The following SGCZ variants were observed in gnomAD, a reference collection of about 807,000 sequenced individuals.
The protein encoded by SGCZ is zeta-sarcoglycan.
Under a neutral mutation model 41.3 loss-of-function variants are expected in SGCZ, and 40 were observed. The ratio of observed to expected loss-of-function variants is 0.97; its 90% CI spans 0.75 to 1.26. SGCZ has a LOEUF of 1.26. Among genes scored for constraint, SGCZ ranks in the 50% most tolerant of loss-of-function variants. The probability of loss-of-function intolerance (pLI) is 0.00; values close to 1 mark genes in which losing one functional copy is unlikely to be tolerated. For missense variants in SGCZ, 552 were observed against 369.8 expected, an observed-to-expected ratio of 1.49 and a Z score of -4.04; for synonymous variants, 206 against 137.5, an observed-to-expected ratio of 1.50 and a Z score of -3.49.
intron 1 of SGCZ, among the ~76,000 whole-genome samples, chr8:14,927,100 T>G (rs1799777965): frequency 8.6e-6 from 1 of 116,348 alleles, no homozygotes; most frequent in Non-Finnish European, 1.6e-5. Context: ...AAGTTCCTGA[T>G]TCTTTTTTTT....
chr8:14,439,320 T>TATATATAC (rs1800180405), intron 2 of SGCZ, among the ~76,000 whole-genome samples: 1 of 148,014 alleles, frequency 6.8e-6, no homozygotes. Flanking sequence ...AATATATATA[T>TATATATAC]ATATATATAT....
intron 2 of SGCZ, among the ~76,000 whole-genome samples, chr8:14,418,072 G>A (rs546515029): frequency 1.3e-5 from 2 of 151,864 alleles, no homozygotes; most frequent in African/African-American, 4.8e-5. Flanking sequence ...CAGTTTGCTG[G>A]GTGTTGTGAA....
chr8:15,046,708 C>A (rs909857696), intron 1 of SGCZ, among the ~76,000 whole-genome samples: 4 of 151,930 alleles, frequency 2.6e-5, no homozygotes, highest in African/African-American at 9.7e-5. Flanking sequence ...TTGCTTCTAG[C>A]CCCTTTCAGC....
At chr8:14,778,082 C>G (rs933603246) in intron 1 of SGCZ, among the ~76,000 whole-genome samples, 1 of 151,984 alleles carries the variant, frequency 6.6e-6, no homozygotes, top group East Asian at 1.9e-4. Context: ...CACCATCATG[C>G]CTGGCTAATA....
chr8:14,111,391 A>C (rs1292187629), intron 5 of SGCZ, among the ~76,000 whole-genome samples: 3 of 152,164 alleles, frequency 2.0e-5, no homozygotes, highest in Non-Finnish European at 4.4e-5. Context: ...GCTCACTTAG[A>C]GAAAAGACAG....
At chr8:15,091,740 T>C (rs1275171956) in intron 1 of SGCZ, among the ~76,000 whole-genome samples, 1 of 152,104 alleles carries the variant, frequency 6.6e-6, no homozygotes, top group African/African-American at 2.4e-5. Flanking sequence ...ATAAGAGGAC[T>C]CCTAATTTAT....
chr8:14,324,809 G>A (rs769169284), intron 2 of SGCZ, among the ~76,000 whole-genome samples: 1 of 152,080 alleles, frequency 6.6e-6, no homozygotes, highest in Non-Finnish European at 1.5e-5. Context: ...GAGTGCTACT[G>A]GGAATTAAAG....
intron 1 of SGCZ, among the ~76,000 whole-genome samples, chr8:14,673,901 T>G (rs1808188997): frequency 6.6e-6 from 1 of 152,126 alleles, no homozygotes; most frequent in Non-Finnish European, 1.5e-5. Context: ...CACAATATAT[T>G]CATTTTTATT....
In SGCZ at chr8:14,568,641, C is replaced by G. The variant is rs946892148; in HGVS notation, c.40-13715G>C. ...ACAGAGCTAGGCACTCTGTAAATGA[C>G]AAAAGATATGAAAAATCACTTTTGT... On this transcript the variant is annotated intron_variant, in intron 1 of 7. Coordinates refer to ENST00000382080, the MANE Select transcript of SGCZ (RefSeq NM_139167.4). Among the ~76,000 whole-genome samples, 6 of 152,216 alleles carry G rather than the reference C, an allele frequency of 3.9e-5. No individual in the cohort carries two copies. The South Asian group carries it at 6.2e-4, about 16-fold the overall frequency.
chr8:14,328,573 T>G (rs112945988), intron 2 of SGCZ, among the ~76,000 whole-genome samples: 335 of 152,266 alleles, frequency 2.2e-3, no homozygotes, highest in African/African-American at 7.3e-3. Flanking sequence ...TAGTTTTAAC[T>G]ATTATTAACA....
chr8:14,732,817 T>TA (rs906463789), intron 1 of SGCZ, among the ~76,000 whole-genome samples: 12 of 151,980 alleles, frequency 7.9e-5, no homozygotes, highest in East Asian at 3.9e-4. Context: ...CTTTTGTCTT[T>TA]AAAAAAAAGA....
At chr8:15,148,702 C>T (rs933489205) in intron 1 of SGCZ, among the ~76,000 whole-genome samples, 1 of 152,158 alleles carries the variant, frequency 6.6e-6, no homozygotes. Flanking sequence ...TCAGGTGACA[C>T]TGATACGAGT....
chr8:15,194,837 C>G (rs1800668752), intron 1 of SGCZ, among the ~76,000 whole-genome samples: 1 of 152,154 alleles, frequency 6.6e-6, no homozygotes, highest in African/African-American at 2.4e-5. Flanking sequence ...TTCTGGACTT[C>G]TGACCTCCCA....
intron 5 of SGCZ, among the ~76,000 whole-genome samples, chr8:14,132,936 T>A (rs1048079342): frequency 3.3e-5 from 5 of 152,204 alleles, no homozygotes; most frequent in Non-Finnish European, 7.3e-5. Context: ...GTGTGCAGTC[T>A]CTGAACCTCT....
At chr8:15,229,189 C>T (rs1388437961) in intron 1 of SGCZ, among the ~76,000 whole-genome samples, 2 of 151,550 alleles carry the variant, frequency 1.3e-5, no homozygotes, top group Non-Finnish European at 2.9e-5. Context: ...AAGACTCCGT[C>T]TCAAAAAATA....
intron 1 of SGCZ, among the ~76,000 whole-genome samples, chr8:14,686,150 A>T (rs568623881): frequency 5.3e-4 from 80 of 152,264 alleles, no homozygotes; most frequent in African/African-American, 1.9e-3. Context: ...TTTATATAGA[A>T]AATTATTCTT....
chr8:14,511,262 G>A lies in SGCZ; in HGVS notation c.234+43470C>T, dbSNP rs566697260. 2.4e-4 allele frequency among the ~76,000 whole-genome samples: 36 copies of A among 151,780 alleles called. 1 individual carries two copies. The highest frequency in any genetic ancestry group is 7.5e-4 in the African/African-American group (31 of 41,396). On this transcript the variant is annotated intron_variant, in intron 2 of 7. Coordinates refer to ENST00000382080, the MANE Select transcript of SGCZ (RefSeq NM_139167.4). ...CCTGTGATATATATCACATTCTAAT[G>A]CAATGATTATTTAATAATAAAAATT... is the stretch of plus-strand genomic sequence containing the variant.
intron 1 of SGCZ, among the ~76,000 whole-genome samples, chr8:14,922,801 C>T (rs1259586399): frequency 6.6e-6 from 1 of 151,904 alleles, no homozygotes; most frequent in African/African-American, 2.4e-5. Flanking sequence ...AGATGGAGAC[C>T]AAAACAAATG....
At chr8:14,367,587 G>C (rs1563283428) in intron 2 of SGCZ, among the ~76,000 whole-genome samples, 1 of 152,094 alleles carries the variant, frequency 6.6e-6, no homozygotes, top group Non-Finnish European at 1.5e-5. Context: ...TATAATCATG[G>C]CAGAAGGCGA....
Sources: allele counts gnomAD v4.1 joint callset (sites outside exome capture counted in the v4.1 genomes callset), GRCh38; gene constraint gnomAD v4.1.1; transcripts MANE v1.5; gene names NCBI Gene and HGNC (gene_info 2026-07-23, HGNC 2026-07-21).